The following CNPY1 variants were observed in gnomAD, a reference collection of about 807,000 sequenced individuals.
The protein encoded by CNPY1 is canopy FGF signaling regulator 1, also known as protein canopy homolog 1.
A neutral mutation model predicts 14.4 loss-of-function variants in CNPY1; 14 were observed. The observed-to-expected ratio is 0.97, with a 90% CI of 0.64 to 1.52. The LOEUF (loss-of-function observed/expected upper bound fraction) is 1.52, where lower values mean the gene tolerates loss of function less well. CNPY1 is among the 40% of genes most tolerant of loss of function. CNPY1 has a pLI of 0.00. For missense variants in CNPY1, 129 were observed against 131.5 expected (o/e 0.98, Z 0.09); for synonymous variants, 43 against 46.5 (o/e 0.92, Z 0.31).
chr7:155,535,476 C>G (rs13233867), intron 2 of CNPY1, among the ~76,000 whole-genome samples: 6,045 of 152,228 alleles, frequency 0.04, 197 homozygotes, highest in South Asian at 0.14. Context: ...ACACACAAGG[C>G]ATAAGGATAC....
At chr7:155,513,270 A>C (rs537425777) in intron 2 of CNPY1, among the ~76,000 whole-genome samples, 1 of 152,240 alleles carries the variant, frequency 6.6e-6, no homozygotes, top group Admixed American at 6.5e-5. Context: ...ATCAGAAAAA[A>C]ATGAATTGCA....
intron 2 of CNPY1, among the ~76,000 whole-genome samples, chr7:155,523,083 A>G (rs1172758328): frequency 6.6e-6 from 1 of 152,238 alleles, no homozygotes; most frequent in East Asian, 1.9e-4. Context: ...TCAGTGGAAT[A>G]AGGAGCAATT....
At chr7:155,504,689 A>ACAC (rs1274638625) in intron 4 of CNPY1, among the ~76,000 whole-genome samples, 2 of 145,198 alleles carry the variant, frequency 1.4e-5, no homozygotes, top group African/African-American at 2.6e-5. Context: ...CATACCCCCC[A>ACAC]ACACACACAC....
At chr7:155,525,119 G>T (rs191490081) in intron 2 of CNPY1, among the ~76,000 whole-genome samples, 165 of 152,228 alleles carry the variant, frequency 1.1e-3, no homozygotes, top group African/African-American at 3.8e-3. Context: ...TGTCGTTCAG[G>T]AATCTTGAAT....
chr7:155,545,989 A>G (rs1559545), intron 1 of CNPY1, 46 bp from the exon 2 acceptor site: 285,486 of 398,140 alleles, frequency 0.72, 102,857 homozygotes, highest in Middle Eastern at 0.78. Context: ...GAGGCGAGCC[A>G]GAGCCGGGCC....
chr7:155,542,927 C>T (rs573440098), intron 2 of CNPY1, among the ~76,000 whole-genome samples: 1 of 152,290 alleles, frequency 6.6e-6, no homozygotes, highest in Non-Finnish European at 1.5e-5. Flanking sequence ...AGAGAATAGC[C>T]CGGTATGGAC....
At chr7:155,533,412 G>T (rs1441986828) in intron 2 of CNPY1, among the ~76,000 whole-genome samples, 1 of 152,252 alleles carries the variant, frequency 6.6e-6, no homozygotes, top group African/African-American at 2.4e-5. Context: ...GTTAACGTTT[G>T]TTTACTCTAA....
At chr7:155,530,483 T>C (rs372770476) in intron 2 of CNPY1, among the ~76,000 whole-genome samples, 1 of 152,078 alleles carries the variant, frequency 6.6e-6, no homozygotes, top group African/African-American at 2.4e-5. Context: ...TGTACCACCA[T>C]GCCCAGCTAT....
chr7:155,517,636 G>A (rs1057075432), intron 2 of CNPY1, among the ~76,000 whole-genome samples: 14 of 152,110 alleles, frequency 9.2e-5, no homozygotes, highest in South Asian at 2.1e-4. Flanking sequence ...ACCTGCACAT[G>A]CAAAAAATGG....
intron 2 of CNPY1, among the ~76,000 whole-genome samples, chr7:155,545,019 C>T (rs1378328343): frequency 5.9e-5 from 9 of 152,294 alleles, no homozygotes; most frequent in Middle Eastern, 3.4e-3. Flanking sequence ...CTGTCCTCTT[C>T]GGATGGGCAC....
At chr7:155,523,383 G>A (rs1424110272) in intron 2 of CNPY1, among the ~76,000 whole-genome samples, 2 of 152,160 alleles carry the variant, frequency 1.3e-5, no homozygotes, top group Admixed American at 1.3e-4. Context: ...TTTCACGAGG[G>A]GCTGCAAAGG....
intron 2 of CNPY1, among the ~76,000 whole-genome samples, chr7:155,527,022 C>CTTTT (rs1191332912): frequency 7.1e-6 from 1 of 141,026 alleles, no homozygotes. Context: ...CCATGCTTTT[C>CTTTT]TTTTCTTTTT....
chr7:155,541,489 T>C (rs1277834659), intron 2 of CNPY1, among the ~76,000 whole-genome samples: 1 of 152,222 alleles, frequency 6.6e-6, no homozygotes, highest in Non-Finnish European at 1.5e-5. Flanking sequence ...TTGAGAATGA[T>C]GTTGATTACA....
chr7:155,527,253 T>C lies in CNPY1; in HGVS notation c.100-18156A>G, dbSNP rs139421564. 3.1e-3 allele frequency among the ~76,000 whole-genome samples: 475 copies of C among 151,328 alleles called. 3 individuals carry two copies. The highest frequency in any genetic ancestry group is 0.011 in the African/African-American group (449 of 41,226). On this transcript the variant is annotated intron_variant, in intron 2 of 4. Coordinates refer to ENST00000636446, the MANE Select transcript of CNPY1 (RefSeq NM_001393663.1). Reference sequence around the variant, plus strand: ...TTTTAGTAGGGATGGGGTTTCACTATTATTTTAAAACGTCGAAGCCAAAAA... The same window carrying C: ...TTTTAGTAGGGATGGGGTTTCACTACTATTTTAAAACGTCGAAGCCAAAAA...
intron 3 of CNPY1, 64 bp downstream of exon 3, chr7:155,508,830 C>T: frequency 6.4e-7 from 1 of 1,556,056 alleles, no homozygotes; most frequent in Non-Finnish European, 8.8e-7. Context: ...TAGAAAACAA[C>T]AAAAAAGAGT....
chr7:155,528,886 G>A (rs576276527), intron 2 of CNPY1, among the ~76,000 whole-genome samples: 14 of 152,080 alleles, frequency 9.2e-5, no homozygotes, highest in African/African-American at 2.4e-4. Context: ...TGATGAAACT[G>A]TGTCTCTACT....
rs1439776587 is a variant in CNPY1 at position 155,508,989 on chromosome 7, A to G, written c.208T>C (p.Phe70Leu). 6.2e-7 allele frequency: 1 copy of G among 1,613,940 alleles called. No homozygotes were observed. Among genetic ancestry groups the G allele is most frequent in the Non-Finnish European group, 8.5e-7 (1 of 1,179,904 alleles). ...CCTTTCCTAGGAGCGAATCTCTTGA[A>G]AGTTCTCTCCTTCGTCACAGGGTCT... ...EEDPVTKERT[F>L]KRFAPRKGDK... is the part of the protein sequence containing the mutation. Residue 70 changes from phenylalanine to leucine, a missense_variant, in exon 3 of 5, where the codon TTC becomes CTC. Phe to Leu is a conservative substitution (Grantham distance 22). Coordinates refer to ENST00000636446, the MANE Select transcript of CNPY1 (RefSeq NM_001393663.1).
intron 2 of CNPY1, among the ~76,000 whole-genome samples, chr7:155,513,792 G>A (rs1175323899): frequency 6.6e-6 from 1 of 151,302 alleles, no homozygotes; most frequent in Non-Finnish European, 1.5e-5. Flanking sequence ...CTAACAATTT[G>A]ATTCTTTATG....
intron 2 of CNPY1, among the ~76,000 whole-genome samples, chr7:155,530,975 T>C (rs1003050309): frequency 8.5e-5 from 13 of 152,238 alleles, no homozygotes; most frequent in Admixed American, 2.0e-4. Context: ...AAGTAGAAAC[T>C]TGGGCTCAGT....
Sources: gnomAD v4.1 joint callset for allele counts (sites outside exome capture counted in the v4.1 genomes callset) on GRCh38, gnomAD v4.1.1 for gene constraint, MANE v1.5 for transcripts, NCBI Gene and HGNC (gene_info 2026-07-23, HGNC 2026-07-21) for gene names.